MGAT5: variants seen among roughly 807,000 people sequenced by gnomAD.
The protein encoded by MGAT5 is alpha-1,6-mannosylglycoprotein 6-beta-N-acetylglucosaminyltransferase A.
A neutral mutation model predicts 94.3 loss-of-function variants in MGAT5; 30 were observed. The ratio of observed to expected loss-of-function variants is 0.32; its 90% CI spans 0.24 to 0.43. The LOEUF (loss-of-function observed/expected upper bound fraction) is 0.43. Ranked by LOEUF, MGAT5 falls within the 20% of genes least tolerant of loss-of-function variation. The pLI is 1.00. For missense variants in MGAT5, 691 were observed against 905.5 expected, an observed-to-expected ratio of 0.76 and a Z score of 3.04; for synonymous variants, 310 against 322.9, an observed-to-expected ratio of 0.96 and a Z score of 0.43.
chr2:134,194,718 A>G (rs538164316), intron 1 of MGAT5, among the ~76,000 whole-genome samples: 63 of 152,184 alleles, frequency 4.1e-4, no homozygotes, highest in African/African-American at 1.4e-3. Context: ...CTGTCATTGA[A>G]CCAGATTGTG....
chr2:134,240,541 C>T (rs187265410), intron 1 of MGAT5, among the ~76,000 whole-genome samples: 116 of 149,870 alleles, frequency 7.7e-4, no homozygotes, highest in African/African-American at 2.8e-3. Flanking sequence ...GGTTTTGGAC[C>T]ATTATATGTT....
intron 1 of MGAT5, among the ~76,000 whole-genome samples, chr2:134,173,153 T>C (rs1688299041): frequency 6.6e-6 from 1 of 152,292 alleles, no homozygotes; most frequent in Non-Finnish European, 1.5e-5. Flanking sequence ...AAACATGAGA[T>C]TTTTGTCTCA....
At chr2:134,386,852 GA>G (rs1479211609) in intron 10 of MGAT5, among the ~76,000 whole-genome samples, 3 of 152,152 alleles carry the variant, frequency 2.0e-5, no homozygotes, top group Non-Finnish European at 4.4e-5. Flanking sequence ...ATATGCTTAG[GA>G]AATATGTATA....
At chr2:134,135,640 C>T (rs1269292148) in intron 1 of MGAT5, among the ~76,000 whole-genome samples, 6 of 139,872 alleles carry the variant, frequency 4.3e-5, no homozygotes, top group African/African-American at 8.1e-5. Context: ...TGCAGTGAGC[C>T]GAGATCGCGC....
At position 134,338,356 on chromosome 2, in the gene MGAT5, C is replaced by T; in HGVS notation, c.743C>T (p.Ala248Val). The change falls in exon 6 of 16, where the codon GCA (alanine) becomes GTA (valine). Residue 248 changes from alanine (A) to valine (V), a missense_variant. Physicochemically the swap from Ala to Val is moderately conservative, Grantham distance 64. This residue lies in a region of MGAT5 where 307 missense variants were observed against 335.4 expected (regional missense o/e 0.92). Transcript: ENST00000281923. ...MRLRIRRMAD[A>V]WIQAIKSLAE... ...CTACGGATCCGGCGAATGGCTGACG[C>T]ATGGATCCAAGCAATCAAGTCCCTG... 1.3e-5 allele frequency: 21 copies of T among 1,612,952 alleles called. No homozygotes were observed. Among genetic ancestry groups the T allele is most frequent in the Non-Finnish European group, 1.7e-5 (20 of 1,179,452 alleles).
At chr2:134,361,704 A>G (rs543576579) in intron 9 of MGAT5, among the ~76,000 whole-genome samples, 4 of 152,270 alleles carry the variant, frequency 2.6e-5, no homozygotes, top group African/African-American at 7.2e-5. Context: ...TCTTCATTCC[A>G]TGCACCTGTT....
chr2:134,254,352 G>C lies in MGAT5; in HGVS notation c.-52G>C. ...CACTCAACCTACACCATGAATTTGT[G>C]TCTATCTTCTACGCGTTAAGAGCCA... On this transcript the variant is annotated 5_prime_UTR_variant, in exon 1 of 16. Transcript: ENST00000281923. 6.3e-7 allele frequency: 1 copy of C among 1,599,526 alleles called. No individual in the cohort carries two copies.
At chr2:134,169,739 A>C (rs909353759) in intron 1 of MGAT5, among the ~76,000 whole-genome samples, 2 of 152,186 alleles carry the variant, frequency 1.3e-5, no homozygotes, top group African/African-American at 2.4e-5. Flanking sequence ...GCAGGAAATG[A>C]TATTTAAGAT....
chr2:134,402,394 A>C (rs1683105868), intron 10 of MGAT5, among the ~76,000 whole-genome samples: 1 of 152,186 alleles, frequency 6.6e-6, no homozygotes, highest in African/African-American at 2.4e-5. Flanking sequence ...TATCTACCTG[A>C]GTATTCTCAT....
rs11307289 is a variant in MGAT5 at position 134,433,833 on chromosome 2, C to CT, written c.1869+5410dup. Among the ~76,000 whole-genome samples, 1,136 of 137,642 alleles carry CT rather than the reference C, an allele frequency of 8.3e-3. 15 individuals are homozygous for CT. The highest frequency in any genetic ancestry group is 0.028 in the African/African-American group (1,038 of 36,750). The allele number at this position is 137,642 out of a possible 152,430, so 90.3% of individuals were successfully genotyped here. A position where few individuals can be genotyped will look rare whatever the true frequency, so the allele number is the denominator to read the frequency against. On this transcript the variant is annotated intron_variant, in intron 14 of 15. Transcript: ENST00000281923. ...TTCATGGTCCTACCTGTCCTACCAA[C>CT]TTTTTTTTTTTTTTTTGCCAATTTC...
At chr2:134,317,681 A>ACTCACCCATTT in intron 3 of MGAT5, 76 bp downstream of exon 3, 1 of 993,336 alleles carries the variant, frequency 1.0e-6, no homozygotes, top group Non-Finnish European at 1.4e-6. Flanking sequence ...TTTCCTCCTC[A>ACTCACCCATTT]GTGACACAAA....
chr2:134,144,674 A>G (rs1686827246), intron 1 of MGAT5, among the ~76,000 whole-genome samples: 1 of 152,342 alleles, frequency 6.6e-6, no homozygotes, highest in South Asian at 2.1e-4. Context: ...AAGGTCTTAA[A>G]CTGTACTCAT....
At chr2:134,291,465 G>C (rs1685361043) in intron 2 of MGAT5, among the ~76,000 whole-genome samples, 1 of 152,200 alleles carries the variant, frequency 6.6e-6, no homozygotes, top group African/African-American at 2.4e-5. Flanking sequence ...GTGGTAATTT[G>C]TTATAGCAGC....
At chr2:134,403,209 T>C (rs1683154308) in intron 11 of MGAT5, 72 bp downstream of exon 11, 1 of 1,456,688 alleles carries the variant, frequency 6.9e-7, no homozygotes, top group African/African-American at 1.5e-5. Context: ...GAATATTTCA[T>C]GCTTGTTTTT....
At chr2:134,262,186 A>G (rs1399480019) in intron 1 of MGAT5, among the ~76,000 whole-genome samples, 2 of 152,192 alleles carry the variant, frequency 1.3e-5, no homozygotes, top group Non-Finnish European at 2.9e-5. Context: ...TAAGGCACTT[A>G]GATTAATTTA....
At chr2:134,274,159 G>A (rs1056279163) in intron 2 of MGAT5, among the ~76,000 whole-genome samples, 13 of 152,208 alleles carry the variant, frequency 8.5e-5, no homozygotes, top group African/African-American at 3.1e-4. Context: ...TCTAAGGACT[G>A]AATGTCTGAT....
chr2:134,340,966 G>A (rs1558806046), intron 6 of MGAT5, among the ~76,000 whole-genome samples: 1 of 152,116 alleles, frequency 6.6e-6, no homozygotes, highest in Non-Finnish European at 1.5e-5. Flanking sequence ...ATGATGTTAA[G>A]GAATTACTAG....
At chr2:134,137,990 G>A (rs1191731852) in intron 1 of MGAT5, among the ~76,000 whole-genome samples, 1 of 139,348 alleles carries the variant, frequency 7.2e-6, no homozygotes, top group South Asian at 2.3e-4. Flanking sequence ...AATTAGGCCT[G>A]TTTTTTTTTT....
At chr2:134,321,967 T>C (rs144149636) in intron 4 of MGAT5, among the ~76,000 whole-genome samples, 1 of 152,030 alleles carries the variant, frequency 6.6e-6, no homozygotes, top group Admixed American at 6.6e-5. Context: ...CCTGTGAGAG[T>C]TGAAGGAGAA....
Sources: allele counts gnomAD v4.1 joint callset (sites outside exome capture counted in the v4.1 genomes callset), GRCh38; gene constraint gnomAD v4.1.1; regional missense constraint gnomAD v4.1.1; transcripts MANE v1.5; gene names NCBI Gene and HGNC (gene_info 2026-07-23, HGNC 2026-07-21).